SHROOM4: variants seen among roughly 807,000 people sequenced by gnomAD.
The protein encoded by SHROOM4 is protein Shroom4.
In SHROOM4, 17 loss-of-function variants were observed where a neutral mutation model predicts 80.3. The observed-to-expected ratio is 0.21, with a 90% CI of 0.14 to 0.32. The LOEUF is 0.32. SHROOM4 is among the 10% of genes least tolerant of loss of function. The probability of loss-of-function intolerance (pLI) is 1.00; values close to 1 mark genes in which losing one functional copy is unlikely to be tolerated. For missense variants in SHROOM4, 993 were observed against 1,140.3 expected, an observed-to-expected ratio of 0.87 and a Z score of 1.86; for synonymous variants, 400 against 437.5, an observed-to-expected ratio of 0.91 and a Z score of 1.07.
At chrX:50,737,654 A>C (rs1444789951) in intron 1 of SHROOM4, among the ~76,000 whole-genome samples, 3 of 111,445 alleles carry the variant, frequency 2.7e-5, no homozygotes, top group Non-Finnish European at 3.8e-5. Flanking sequence ...TGAATAGACC[A>C]ATAACAGGCT....
At chrX:50,647,488 C>T (rs1931883660) in intron 2 of SHROOM4, among the ~76,000 whole-genome samples, 2 of 111,485 alleles carry the variant, frequency 1.8e-5, no homozygotes, top group Non-Finnish European at 3.8e-5. Flanking sequence ...GCCATGATGC[C>T]CAGTTTCCTA....
At chrX:50,747,844 G>A (rs1176693030) in intron 1 of SHROOM4, among the ~76,000 whole-genome samples, 1 of 112,150 alleles carries the variant, frequency 8.9e-6, no homozygotes, top group East Asian at 2.8e-4. Context: ...TTTCTGTGGT[G>A]TACCCACTAA....
chrX:50,637,892 A>G (rs975400773), intron 3 of SHROOM4, among the ~76,000 whole-genome samples: 2 of 112,055 alleles, frequency 1.8e-5, no homozygotes, highest in Non-Finnish European at 3.8e-5. Flanking sequence ...AGATACGGAG[A>G]AAGAACAGCT....
rs782787890 is a variant in SHROOM4 at position 50,596,872 on chromosome X, C to T, written c.4305G>A (p.Val1435=). 1 of 1,211,541 alleles carries T rather than the reference C, an allele frequency of 8.3e-7. No individual in the cohort carries two copies. The highest frequency in any genetic ancestry group is 1.8e-5 in the South Asian group (1 of 56,788). The change falls in exon 9 of 9, where the codon GTG becomes GTA. Residue 1435 remains valine, a synonymous_variant. Transcript: ENST00000376020. The part of the protein sequence containing the change: ...KEHVDRREKL[V]FGMVSRYLPQ... Reference sequence around the variant, plus strand: ...GCAGGTAGCGGGAGACCATGCCAAACACCAACTTCTCCCGGCGGTCCACGT... The same window carrying T: ...GCAGGTAGCGGGAGACCATGCCAAATACCAACTTCTCCCGGCGGTCCACGT...
At chrX:50,623,694 A>G (rs1930679397) in intron 5 of SHROOM4, among the ~76,000 whole-genome samples, 1 of 110,951 alleles carries the variant, frequency 9.0e-6, no homozygotes, top group Admixed American at 9.6e-5. Flanking sequence ...GATAATTAAA[A>G]ACATAAATCT....
At chrX:50,693,234 G>C (rs1481876952) in intron 2 of SHROOM4, among the ~76,000 whole-genome samples, 3 of 111,073 alleles carry the variant, frequency 2.7e-5, no homozygotes, top group Non-Finnish European at 3.8e-5. Context: ...AAAATGGACA[G>C]GGATGTAGGA....
intron 1 of SHROOM4, among the ~76,000 whole-genome samples, chrX:50,813,269 A>T (rs1936387784): frequency 1.8e-5 from 2 of 111,564 alleles, no homozygotes; most frequent in South Asian, 7.5e-4. Context: ...ACGTGCAGGA[A>T]ATCTCGCCGG....
chrX:50,638,433 G>T, intron 2 of SHROOM4, 125 bp from the exon 3 acceptor site: 1 of 877,189 alleles, frequency 1.1e-6, no homozygotes, highest in South Asian at 2.4e-5. Context: ...GAACTGGTGT[G>T]GGAATCTTAG....
intron 2 of SHROOM4, among the ~76,000 whole-genome samples, chrX:50,642,089 AT>A (rs1557257253): frequency 8.9e-6 from 1 of 112,385 alleles, no homozygotes; most frequent in Non-Finnish European, 1.9e-5. Context: ...GGACAGGAGA[AT>A]AAACTATCTA....
intron 2 of SHROOM4, among the ~76,000 whole-genome samples, chrX:50,642,623 C>T (rs918257920): frequency 7.2e-5 from 8 of 110,695 alleles, no homozygotes; most frequent in African/African-American, 2.6e-4. Flanking sequence ...CTACCGTGCC[C>T]GGCTAATTTT....
chrX:50,630,220 T>C (rs1454377921), intron 4 of SHROOM4, among the ~76,000 whole-genome samples: 2 of 110,384 alleles, frequency 1.8e-5, no homozygotes, highest in Admixed American at 1.9e-4. Flanking sequence ...AGCCGTCATC[T>C]CCTCACTTCC....
At chrX:50,705,473 G>C (rs1175346687) in intron 1 of SHROOM4, among the ~76,000 whole-genome samples, 2 of 111,504 alleles carry the variant, frequency 1.8e-5, no homozygotes, top group Admixed American at 1.9e-4. Context: ...TGCTTTTTAA[G>C]TTAAGGCTGG....
intron 2 of SHROOM4, among the ~76,000 whole-genome samples, chrX:50,668,203 TC>T (rs1932751398): frequency 8.9e-6 from 1 of 111,883 alleles, no homozygotes; most frequent in Non-Finnish European, 1.9e-5. Flanking sequence ...AGGCATCCGC[TC>T]CCCGCTTGGC....
chrX:50,675,611 A>C (rs1932844822), intron 2 of SHROOM4, among the ~76,000 whole-genome samples: 1 of 111,325 alleles, frequency 9.0e-6, no homozygotes, highest in African/African-American at 3.3e-5. Flanking sequence ...CCTCCAGACA[A>C]CTGGAAATAT....
chrX:50,765,078 T>C (rs782483684), intron 1 of SHROOM4, among the ~76,000 whole-genome samples: 1 of 111,609 alleles, frequency 9.0e-6, no homozygotes, highest in South Asian at 3.8e-4. Context: ...ATGATTCAAC[T>C]ACCTCCCACT....
In SHROOM4 at chrX:50,638,215, A is replaced by T. The variant is rs782114286; in HGVS notation, c.363T>A (p.Ser121=). 8.3e-7 allele frequency: 1 copy of T among 1,208,102 alleles called. No individual in the cohort carries two copies. The highest frequency in any genetic ancestry group is 1.1e-6 in the Non-Finnish European group (1 of 894,294). The part of the protein sequence containing the change: ...PEAATTMHFP[S]EAFSLSWHSG... ...AATGCCAGGACAAGCTGAAGGCTTC[A>T]GAAGGGAAATGCATGGTGGTGGCTG... is the stretch of plus-strand genomic sequence containing the variant. Residue 121 remains serine (S), a synonymous_variant, in exon 3 of 9, where the codon TCT becomes TCA. Coordinates refer to ENST00000376020, the MANE Select transcript of SHROOM4 (RefSeq NM_020717.5).
intron 6 of SHROOM4, 75 bp from the exon 7 acceptor site, chrX:50,602,888 A>T: frequency 2.0e-6 from 2 of 997,059 alleles, no homozygotes; most frequent in Admixed American, 2.4e-5. Context: ...TAATTTCTCC[A>T]TCTGAAAAAT....
chrX:50,618,726 C>T (rs782709654), intron 5 of SHROOM4, among the ~76,000 whole-genome samples: 1 of 111,652 alleles, frequency 9.0e-6, no homozygotes, highest in East Asian at 2.8e-4. Context: ...CCGTGTTAGG[C>T]ACTTTCACGT....
chrX:50,713,028 ACT>A, intron 1 of SHROOM4, among the ~76,000 whole-genome samples: 1 of 110,844 alleles, frequency 9.0e-6, no homozygotes, highest in South Asian at 3.9e-4. Flanking sequence ...GCACTGCCAA[ACT>A]CTGGGTCTGG....
Sources: gnomAD v4.1 joint callset for allele counts (sites outside exome capture counted in the v4.1 genomes callset) on GRCh38, gnomAD v4.1.1 for gene constraint, MANE v1.5 for transcripts, NCBI Gene and HGNC (gene_info 2026-07-23, HGNC 2026-07-21) for gene names.